GPC6: variants seen among roughly 807,000 people sequenced by gnomAD.
GPC6 encodes the protein glypican 6.
In GPC6, 14 loss-of-function variants were observed where a neutral mutation model predicts 55.2. That is an observed-to-expected ratio of 0.25 (90% confidence interval 0.17 to 0.40). The LOEUF (loss-of-function observed/expected upper bound fraction) is 0.40. GPC6 is among the 10% of genes least tolerant of loss of function. GPC6 has a pLI of 1.00. For synonymous variants in GPC6, 278 were observed against 259.6 expected (o/e 1.07, Z -0.68); for missense variants, 641 against 708.5 (o/e 0.90, Z 1.08).
intron 2 of GPC6, among the ~76,000 whole-genome samples, chr13:93,679,248 T>A (rs149966783): frequency 1.3e-5 from 2 of 152,158 alleles, no homozygotes; most frequent in African/African-American, 4.8e-5. Flanking sequence ...TAATGGTAGA[T>A]AAATATGCAA....
chr13:94,193,250 C>T (rs1889459174), intron 4 of GPC6, among the ~76,000 whole-genome samples: 2 of 152,116 alleles, frequency 1.3e-5, no homozygotes, highest in Admixed American at 6.6e-5. Context: ...CGGAATGCCA[C>T]CCAGGAGGCC....
At chr13:93,297,268 G>A (rs1878526974) in intron 1 of GPC6, among the ~76,000 whole-genome samples, 1 of 152,062 alleles carries the variant, frequency 6.6e-6, no homozygotes, top group Non-Finnish European at 1.5e-5. Context: ...TCTATGTTTA[G>A]TGAGACTCCA....
chr13:93,952,617 ATGTATGTG>A (rs1263837095), intron 3 of GPC6, among the ~76,000 whole-genome samples: 4 of 150,194 alleles, frequency 2.7e-5, no homozygotes, highest in Non-Finnish European at 4.5e-5. Context: ...GTATATATGT[ATGTATGTG>A]TCTGTATATA....
chr13:94,296,335 C>T (rs1566646268), intron 5 of GPC6, among the ~76,000 whole-genome samples: 1 of 152,206 alleles, frequency 6.6e-6, no homozygotes, highest in Non-Finnish European at 1.5e-5. Flanking sequence ...GAGAAGATTA[C>T]ATTTAATGTA....
intron 4 of GPC6, among the ~76,000 whole-genome samples, chr13:94,035,476 C>T (rs947286804): frequency 1.2e-4 from 19 of 152,092 alleles, no homozygotes; most frequent in African/African-American, 4.3e-4. Flanking sequence ...GTAACTGGAT[C>T]GTTAAAGAAA....
intron 1 of GPC6, among the ~76,000 whole-genome samples, chr13:93,381,250 T>C (rs962905465): frequency 6.6e-6 from 1 of 152,132 alleles, no homozygotes; most frequent in Non-Finnish European, 1.5e-5. Flanking sequence ...TATGATGTCT[T>C]ATTTTCTCTA....
chr13:94,194,883 G>T (rs999000732), intron 4 of GPC6, among the ~76,000 whole-genome samples: 1 of 151,964 alleles, frequency 6.6e-6, no homozygotes, highest in African/African-American at 2.4e-5. Context: ...GTTTGTGTGT[G>T]TGTATCTGTA....
At chr13:94,402,254 T>TA (rs1251669911) in intron 8 of GPC6, among the ~76,000 whole-genome samples, 1 of 152,152 alleles carries the variant, frequency 6.6e-6, no homozygotes. Flanking sequence ...TAAAATCCTT[T>TA]AAAAAGCATG....
intron 2 of GPC6, among the ~76,000 whole-genome samples, chr13:93,635,246 T>C (rs1879644704): frequency 6.6e-6 from 1 of 152,144 alleles, no homozygotes; most frequent in South Asian, 2.1e-4. Flanking sequence ...AGTCTTATTT[T>C]ATGAGAATTC....
intron 4 of GPC6, among the ~76,000 whole-genome samples, chr13:94,203,161 T>C (rs1348390409): frequency 1.3e-5 from 2 of 151,502 alleles, no homozygotes; most frequent in East Asian, 2.0e-4. Flanking sequence ...TTTATAAAAC[T>C]ATAAAACCTT....
chr13:94,379,060 C>CA (rs955966095), intron 6 of GPC6, among the ~76,000 whole-genome samples: 10 of 150,774 alleles, frequency 6.6e-5, no homozygotes, highest in East Asian at 1.9e-4. Flanking sequence ...GAAAAAAAAC[C>CA]AAAAAAACAA....
chr13:93,276,057 G>A (rs904456973), intron 1 of GPC6, among the ~76,000 whole-genome samples: 12 of 152,156 alleles, frequency 7.9e-5, no homozygotes, highest in African/African-American at 2.9e-4. Context: ...TGTATTTTTA[G>A]TAGAGACAGG....
At chr13:93,834,945 T>G (rs1887677672) in intron 3 of GPC6, among the ~76,000 whole-genome samples, 1 of 152,190 alleles carries the variant, frequency 6.6e-6, no homozygotes, top group Non-Finnish European at 1.5e-5. Context: ...CGTCATTCCC[T>G]TATCTTCCAC....
intron 3 of GPC6, among the ~76,000 whole-genome samples, chr13:94,000,544 C>T (rs902128998): frequency 6.6e-6 from 1 of 152,076 alleles, no homozygotes; most frequent in Non-Finnish European, 1.5e-5. Context: ...TGAAGTGTCT[C>T]TTCATGAATG....
At chr13:94,085,245 C>T (rs1294023889) in intron 4 of GPC6, among the ~76,000 whole-genome samples, 1 of 141,516 alleles carries the variant, frequency 7.1e-6, no homozygotes, top group Non-Finnish European at 1.5e-5. Context: ...TTCCTTGAAC[C>T]CAGGAGGCGG....
intron 3 of GPC6, among the ~76,000 whole-genome samples, chr13:93,915,312 G>A (rs556693577): frequency 6.6e-6 from 1 of 152,292 alleles, no homozygotes; most frequent in East Asian, 1.9e-4. Flanking sequence ...GAGCATAAAT[G>A]ATGCTGTAAA....
At chr13:93,588,043 GA>G (rs1214889057) in intron 2 of GPC6, among the ~76,000 whole-genome samples, 1 of 152,162 alleles carries the variant, frequency 6.6e-6, no homozygotes, top group Non-Finnish European at 1.5e-5. Flanking sequence ...AATGAGGTAG[GA>G]AAGAGGCAGC....
intron 5 of GPC6, among the ~76,000 whole-genome samples, chr13:94,292,253 T>C (rs529827239): frequency 1.5e-3 from 106 of 72,324 alleles, no homozygotes; most frequent in African/African-American, 9.5e-3. Context: ...CGCTAATCGA[T>C]GCATAACCCT....
chr13:93,902,058 G>T (rs552596511), intron 3 of GPC6, among the ~76,000 whole-genome samples: 1 of 152,034 alleles, frequency 6.6e-6, no homozygotes, highest in African/African-American at 2.4e-5. Context: ...TAATTTCCTT[G>T]TGATGAGAAC....
Sources: allele counts gnomAD v4.1 joint callset (sites outside exome capture counted in the v4.1 genomes callset), GRCh38; gene constraint gnomAD v4.1.1; transcripts MANE v1.5; gene names NCBI Gene and HGNC (gene_info 2026-07-23, HGNC 2026-07-21).